The following INSL6 variants were observed in gnomAD, a reference collection of about 807,000 sequenced individuals.
The protein encoded by INSL6 is insulin like 6, also known as insulin-like peptide INSL6.
In INSL6, 16 loss-of-function variants were observed where a neutral mutation model predicts 9.4. That is an observed-to-expected ratio of 1.70 (90% CI 1.15 to 2.59). INSL6 has a LOEUF of 2.59. Ranked by LOEUF, INSL6 falls within the 30% of genes most tolerant of loss-of-function variation. The pLI is 0.00. For synonymous variants in INSL6, 154 were observed against 96.9 expected (o/e 1.59, Z -3.46); for missense variants, 391 against 257.3 (o/e 1.52, Z -3.56).
intron 1 of INSL6, among the ~76,000 whole-genome samples, chr9:5,165,168 G>A (rs1256237486): frequency 1.3e-5 from 2 of 152,092 alleles, no homozygotes; most frequent in African/African-American, 4.8e-5. Context: ...CCGAGATAGT[G>A]CCACTGCACT....
At chr9:5,033,673 T>C in the INSL6 span, among the ~76,000 whole-genome samples, 1 of 152,136 alleles carries the variant, frequency 6.6e-6, no homozygotes, top group Non-Finnish European at 1.5e-5. Flanking sequence ...TAAAATCCTT[T>C]ACAGACAAGC....
chr9:5,013,604 T>G, the INSL6 span, among the ~76,000 whole-genome samples: 202 of 152,320 alleles, frequency 1.3e-3, 1 homozygote, highest in African/African-American at 4.0e-3. Context: ...TCTTTCCATG[T>G]TTTGCATGCT....
At chr9:5,181,129 T>C (rs1191565481) in intron 1 of INSL6, among the ~76,000 whole-genome samples, 1 of 152,146 alleles carries the variant, frequency 6.6e-6, no homozygotes, top group Non-Finnish European at 1.5e-5. Context: ...CTGATAATAT[T>C]CCACGCATCC....
At chr9:5,088,881 C>CCTAT in the INSL6 span, among the ~76,000 whole-genome samples, 9 of 152,214 alleles carry the variant, frequency 5.9e-5, no homozygotes, top group African/African-American at 7.2e-5. Flanking sequence ...CTCACAAGGC[C>CCTAT]CTATCTCCAA....
downstream of INSL6, among the ~76,000 whole-genome samples, chr9:5,121,111 T>C (rs1321334088): frequency 6.6e-6 from 1 of 152,092 alleles, no homozygotes; most frequent in Non-Finnish European, 1.5e-5. Flanking sequence ...GGCAGAATAG[T>C]AGTAGTAGTG....
At chr9:5,072,705 T>C in the INSL6 span, 38 of 1,074,492 alleles carry the variant, frequency 3.5e-5, no homozygotes, top group African/African-American at 4.9e-4. Context: ...CGTACTCATG[T>C]GTGCAGCTTT....
At chr9:5,070,404 A>G in the INSL6 span, among the ~76,000 whole-genome samples, 1 of 152,056 alleles carries the variant, frequency 6.6e-6, no homozygotes, top group African/African-American at 2.4e-5. Flanking sequence ...AACTGAGAAA[A>G]AAATCCAGCC....
At chr9:5,054,862 A>G in the INSL6 span, 1 of 1,605,276 alleles carries the variant, frequency 6.2e-7, no homozygotes, top group Non-Finnish European at 8.5e-7. The surrounding 1 kb of genome is among the most constrained non-coding windows in gnomAD (Gnocchi z 4.9). Context: ...AAACATAAAG[A>G]AAGTGAGACA....
At chr9:5,040,928 G>C in the INSL6 span, 1 of 375,860 alleles carries the variant, frequency 2.7e-6, no homozygotes, top group Non-Finnish European at 5.0e-6. Context: ...CCGGCAGCCT[G>C]GCCATGGCGG....
At chr9:5,120,485 C>T (rs992669762), downstream of INSL6, among the ~76,000 whole-genome samples, 3 of 152,114 alleles carry the variant, frequency 2.0e-5, no homozygotes, top group Non-Finnish European at 4.4e-5. Flanking sequence ...TTTTCTTGTT[C>T]GAAAAGGCTC....
At chr9:5,030,652 C>G in the INSL6 span, among the ~76,000 whole-genome samples, 6 of 151,980 alleles carry the variant, frequency 3.9e-5, no homozygotes, top group African/African-American at 1.5e-4. Context: ...ATAAGCTTGC[C>G]TCTTAATCAC....
At chr9:5,158,519 A>G (rs1422359204) in intron 2 of INSL6, among the ~76,000 whole-genome samples, 1 of 152,182 alleles carries the variant, frequency 6.6e-6, no homozygotes, top group East Asian at 1.9e-4. Context: ...TGGAACTTCA[A>G]CATGTCTGGT....
chr9:5,180,596 G>A (rs187052513), intron 1 of INSL6, among the ~76,000 whole-genome samples: 71 of 152,168 alleles, frequency 4.7e-4, no homozygotes, highest in African/African-American at 1.6e-3. Flanking sequence ...ACTGATATAC[G>A]CCCTGGTCTC....
the INSL6 span, among the ~76,000 whole-genome samples, chr9:5,083,186 C>G: frequency 6.8e-6 from 1 of 147,510 alleles, no homozygotes; most frequent in Admixed American, 6.7e-5. Context: ...GCCTTTCTGC[C>G]TTTAGTTATC....
the INSL6 span, chr9:5,085,894 C>G: frequency 1.8e-5 from 15 of 849,726 alleles, no homozygotes; most frequent in African/African-American, 1.5e-4. Context: ...ATGAGCGGTT[C>G]CTTTCTAATA....
At chr9:5,005,876 A>G in the INSL6 span, among the ~76,000 whole-genome samples, 365 of 152,286 alleles carry the variant, frequency 2.4e-3, 2 homozygotes, top group African/African-American at 8.3e-3. Flanking sequence ...TACCAGTACC[A>G]TGCTGTTTTG....
the INSL6 span, among the ~76,000 whole-genome samples, chr9:5,103,102 A>T: frequency 7.2e-5 from 11 of 151,906 alleles, no homozygotes; most frequent in African/African-American, 2.4e-4. Flanking sequence ...AAACTGGCAA[A>T]TTGGATAAAG....
At chr9:5,101,143 C>G in the INSL6 span, 1 of 152,290 alleles carries the variant, frequency 6.6e-6, no homozygotes, top group Non-Finnish European at 1.5e-5. Context: ...GAAGCCATGA[C>G]AGACTGTACC....
At chr9:5,119,336 C>T (rs1158413303), downstream of INSL6, among the ~76,000 whole-genome samples, 2 of 151,818 alleles carry the variant, frequency 1.3e-5, no homozygotes, top group African/African-American at 4.8e-5. Context: ...GAAGCATATC[C>T]AGAGGTCCTC....
Sources: allele counts gnomAD v4.1 joint callset (sites outside exome capture counted in the v4.1 genomes callset), GRCh38; gene constraint gnomAD v4.1.1; non-coding constraint Gnocchi (gnomAD v3.1); transcripts MANE v1.5; gene names NCBI Gene and HGNC (gene_info 2026-07-23, HGNC 2026-07-21).